The following ZFAND4 variants were observed in gnomAD, a reference collection of about 807,000 sequenced individuals.
ZFAND4 encodes the protein AN1-type zinc finger protein 4.
ZFAND4 carries 43 observed loss-of-function variants against 64.4 expected under a neutral mutation model. That is an observed-to-expected ratio of 0.67 (90% CI 0.52 to 0.86). ZFAND4 has a LOEUF of 0.86. Ranked by LOEUF, ZFAND4 falls within the 40% of genes least tolerant of loss-of-function variation. The pLI is 0.00. For synonymous variants in ZFAND4, 296 were observed against 305.7 expected, an observed-to-expected ratio of 0.97 and a Z score of 0.33; for missense variants, 929 against 859.8, an observed-to-expected ratio of 1.08 and a Z score of -1.01.
At chr10:45,624,401 T>G (rs2045648122) in intron 8 of ZFAND4, among the ~76,000 whole-genome samples, 182 bp downstream of exon 8, 1 of 152,220 alleles carries the variant, frequency 6.6e-6, no homozygotes, top group Non-Finnish European at 1.5e-5. Context: ...TGTTTTATTC[T>G]TTATATATGT....
intron 2 of ZFAND4, among the ~76,000 whole-genome samples, chr10:45,660,055 G>A (rs369565771): frequency 4.6e-5 from 7 of 151,772 alleles, no homozygotes; most frequent in African/African-American, 1.7e-4. Context: ...CCACCTACTC[G>A]GGAGGCTGAG....
chr10:45,635,817 T>C (rs1438982664), intron 6 of ZFAND4, among the ~76,000 whole-genome samples: 1 of 152,206 alleles, frequency 6.6e-6, no homozygotes, highest in East Asian at 1.9e-4. Flanking sequence ...AACACTGTGT[T>C]ATACACTTAA....
chr10:45,645,043 G>C (rs2047282410), intron 5 of ZFAND4, among the ~76,000 whole-genome samples: 1 of 148,046 alleles, frequency 6.8e-6, no homozygotes, highest in Non-Finnish European at 1.5e-5. Flanking sequence ...GTGCAGTGGT[G>C]TGATCTCGGC....
intron 2 of ZFAND4, among the ~76,000 whole-genome samples, chr10:45,659,140 C>T (rs1805078044): frequency 1.3e-5 from 2 of 152,112 alleles, no homozygotes; most frequent in Admixed American, 1.3e-4. Flanking sequence ...GGGCCAGAAA[C>T]CAGGCCCCTC....
At chr10:45,660,601 C>T (rs972055256) in intron 2 of ZFAND4, among the ~76,000 whole-genome samples, 4 of 152,108 alleles carry the variant, frequency 2.6e-5, no homozygotes, top group African/African-American at 9.7e-5. Flanking sequence ...AAAGAATCTA[C>T]ACCTTCAACA....
chr10:45,657,955 G>A (rs540691962), intron 2 of ZFAND4, among the ~76,000 whole-genome samples: 164 of 152,292 alleles, frequency 1.1e-3, no homozygotes, highest in African/African-American at 3.6e-3. Flanking sequence ...GACCACAAAA[G>A]GTACAGGAGA....
At chr10:45,650,258 G>A (rs976566795) in intron 4 of ZFAND4, 1 of 152,096 alleles carries the variant, frequency 6.6e-6, no homozygotes. Flanking sequence ...CCAGGTTCAA[G>A]CAATTCTCAT....
At chr10:45,620,223 T>C (rs10736836) in intron 8 of ZFAND4, among the ~76,000 whole-genome samples, 149,996 of 152,264 alleles carry the variant, frequency 0.99, 73,917 homozygotes, top group East Asian at 1. Flanking sequence ...GTGGCTCACA[T>C]CTGTAATCCT....
chr10:45,660,377 C>T (rs2048392530), intron 2 of ZFAND4, among the ~76,000 whole-genome samples: 1 of 151,866 alleles, frequency 6.6e-6, no homozygotes, highest in Non-Finnish European at 1.5e-5. Context: ...GCAAAACGGA[C>T]TGTTAAGAGA....
intron 6 of ZFAND4, chr10:45,639,611 G>GAA (rs1554836169): frequency 2.7e-6 from 1 of 369,728 alleles, no homozygotes; most frequent in Non-Finnish European, 4.7e-6. Flanking sequence ...TTAAAATGAT[G>GAA]TTAAGTGCAG....
intron 1 of ZFAND4, among the ~76,000 whole-genome samples, chr10:45,666,306 A>T (rs1294630509): frequency 6.6e-6 from 1 of 152,084 alleles, no homozygotes; most frequent in African/African-American, 2.4e-5. Context: ...AAAACTAATG[A>T]TATTGTGCAT....
At chr10:45,625,686 TTTGAGGAGTACAACA>T (rs1464611275) in intron 7 of ZFAND4, among the ~76,000 whole-genome samples, 5 of 151,882 alleles carry the variant, frequency 3.3e-5, no homozygotes, top group Admixed American at 6.6e-5. Context: ...AGCCCAGGAG[TTTGAGGAGTACAACA>T]TATACATACA....
At chr10:45,669,578 A>C (rs951394103) in intron 1 of ZFAND4, among the ~76,000 whole-genome samples, 1 of 152,218 alleles carries the variant, frequency 6.6e-6, no homozygotes, top group African/African-American at 2.4e-5. Context: ...ACACAACAAA[A>C]AAAGAGAATT....
At chr10:45,664,292 CAG>C (rs2048664710) in intron 1 of ZFAND4, among the ~76,000 whole-genome samples, 1 of 142,582 alleles carries the variant, frequency 7.0e-6, no homozygotes, top group Non-Finnish European at 1.5e-5. Flanking sequence ...TTTTTTTTGA[CAG>C]AGTCTCGCTC....
chr10:45,622,910 G>A (rs201595011), intron 8 of ZFAND4, among the ~76,000 whole-genome samples: 11 of 149,468 alleles, frequency 7.4e-5, no homozygotes, highest in African/African-American at 2.0e-4. Context: ...GTTTGGTTTC[G>A]GGGAAAAAAA....
chr10:45,630,399 G>T (rs532332132), intron 6 of ZFAND4, among the ~76,000 whole-genome samples: 6 of 152,208 alleles, frequency 3.9e-5, no homozygotes, highest in Admixed American at 3.3e-4. Context: ...GTGCCCACAG[G>T]AGACTAAAAT....
intron 4 of ZFAND4, among the ~76,000 whole-genome samples, chr10:45,649,537 T>C (rs1026047976): frequency 3.3e-5 from 5 of 152,194 alleles, no homozygotes; most frequent in Non-Finnish European, 5.9e-5. Context: ...AGGAAAATAT[T>C]AAACTTGGAA....
intron 1 of ZFAND4, among the ~76,000 whole-genome samples, chr10:45,664,481 A>C (rs2048679853): frequency 6.6e-6 from 1 of 151,444 alleles, no homozygotes; most frequent in Non-Finnish European, 1.5e-5. Flanking sequence ...GTTGGCCAGG[A>C]TGGTCTCGAT....
intron 2 of ZFAND4, among the ~76,000 whole-genome samples, chr10:45,653,703 G>A (rs889237355): frequency 2.0e-5 from 3 of 152,142 alleles, no homozygotes; most frequent in Non-Finnish European, 4.4e-5. Context: ...AACAGGGAAC[G>A]CATACACTGC....
Sources: allele counts gnomAD v4.1 joint callset (sites outside exome capture counted in the v4.1 genomes callset), GRCh38; gene constraint gnomAD v4.1.1; transcripts MANE v1.5; gene names NCBI Gene and HGNC (gene_info 2026-07-23, HGNC 2026-07-21).